Variants in CHST9 observed in about 807,000 individuals in gnomAD.
CHST9 encodes GalNAc-4-sulfotransferase 2.
CHST9 carries 41 observed loss-of-function variants against 44.4 expected under a neutral mutation model. The ratio of observed to expected loss-of-function variants is 0.92; its 90% CI spans 0.72 to 1.20. The LOEUF is 1.20. CHST9 is among the 50% of genes most tolerant of loss of function. The probability of loss-of-function intolerance (pLI) is 0.00; values close to 1 mark genes in which losing one functional copy is unlikely to be tolerated. For missense variants in CHST9, 504 were observed against 516.5 expected, an observed-to-expected ratio of 0.98 and a Z score of 0.23; for synonymous variants, 171 against 178.4, an observed-to-expected ratio of 0.96 and a Z score of 0.33.
chr18:26,960,682 A>G (rs2056387800), intron 4 of CHST9, among the ~76,000 whole-genome samples: 1 of 151,978 alleles, frequency 6.6e-6, no homozygotes, highest in South Asian at 2.1e-4. Context: ...AAAAATTGCA[A>G]CCTCCAGCAT....
intron 2 of CHST9, among the ~76,000 whole-genome samples, chr18:27,092,108 C>T (rs138475084): frequency 9.2e-5 from 14 of 152,252 alleles, no homozygotes; most frequent in African/African-American, 3.4e-4. Context: ...CTAATTATTG[C>T]CTCAATTTCA....
At chr18:27,023,010 C>G (rs2057243988) in intron 4 of CHST9, among the ~76,000 whole-genome samples, 1 of 152,142 alleles carries the variant, frequency 6.6e-6, no homozygotes, top group South Asian at 2.1e-4. Context: ...GACTCAGTTA[C>G]TATTCCAATT....
intron 2 of CHST9, among the ~76,000 whole-genome samples, chr18:27,070,081 T>G (rs1381756858): frequency 1.3e-5 from 2 of 152,200 alleles, no homozygotes; most frequent in African/African-American, 4.8e-5. Flanking sequence ...AAAAAGTTAA[T>G]TCCAGAAAAG....
chr18:26,993,216 T>C (rs1214419253), intron 4 of CHST9, among the ~76,000 whole-genome samples: 3 of 152,214 alleles, frequency 2.0e-5, no homozygotes, highest in Admixed American at 6.5e-5. Context: ...TTGCTTAGCA[T>C]GGCAGGTGTT....
At chr18:27,183,297 C>T (rs1178412777) in intron 1 of CHST9, among the ~76,000 whole-genome samples, 1 of 152,140 alleles carries the variant, frequency 6.6e-6, no homozygotes, top group African/African-American at 2.4e-5. Context: ...TTACAGCTTT[C>T]AGGATAGTCA....
chr18:27,105,788 G>A (rs763702384), intron 2 of CHST9, among the ~76,000 whole-genome samples: 2 of 151,624 alleles, frequency 1.3e-5, no homozygotes, highest in Admixed American at 6.6e-5. Flanking sequence ...ATGTGCTTTG[G>A]CACTCAACCC....
At chr18:26,989,200 G>T (rs992022567) in intron 4 of CHST9, among the ~76,000 whole-genome samples, 1 of 151,964 alleles carries the variant, frequency 6.6e-6, no homozygotes, top group Admixed American at 6.6e-5. Flanking sequence ...ACTGATAAAA[G>T]AATTATATCA....
chr18:26,918,547 C>T (rs1193242762), intron 5 of CHST9, among the ~76,000 whole-genome samples: 1 of 151,606 alleles, frequency 6.6e-6, no homozygotes, highest in African/African-American at 2.4e-5. Context: ...TGTGTGTATA[C>T]ACAATTTTTA....
Position 27,158,655 on chromosome 18 carries a change from T to G in CHST9, c.-96-15750A>C, listed in dbSNP as rs200253325. ...TGGCTGGGTCAAATGGTATTTCTAG[T>G]TCAAGATCCCTGAGGAATCGCCACA... On this transcript the variant is annotated intron_variant, in intron 1 of 5. Coordinates refer to ENST00000618847, the MANE Select transcript of CHST9 (RefSeq NM_031422.6). 9.0e-4 allele frequency among the ~76,000 whole-genome samples: 137 copies of G among 152,200 alleles called. 1 individual carries two copies. In the East Asian group the frequency reaches 0.023, roughly 26 times the overall value.
In CHST9 at chr18:27,014,680, G is replaced by GA. The variant is rs201957768; in HGVS notation, c.202+9435dup. Among the ~76,000 whole-genome samples, 562 of 151,278 alleles carry GA rather than the reference G, an allele frequency of 3.7e-3. 1 individual carries two copies. Among genetic ancestry groups the GA allele is most frequent in the Non-Finnish European group, 5.9e-3 (400 of 67,778 alleles). Reference sequence around the variant, plus strand: ...ATATAAGAAATAAAGTCCACCTCCTGAAAAAAAACATTTAAATTGAACAGT... The same window carrying GA: ...ATATAAGAAATAAAGTCCACCTCCTGAAAAAAAAACATTTAAATTGAACAGT... On this transcript the variant is annotated intron_variant, in intron 4 of 5. Transcript: ENST00000618847.
chr18:27,134,934 TAGACAG>T (rs1163172179), intron 2 of CHST9, among the ~76,000 whole-genome samples: 1 of 152,212 alleles, frequency 6.6e-6, no homozygotes, highest in Non-Finnish European at 1.5e-5. Flanking sequence ...AAATTTCAGT[TAGACAG>T]AGACAATTAC....
intron 3 of CHST9, among the ~76,000 whole-genome samples, chr18:27,047,751 A>C (rs1460854162): frequency 1.3e-5 from 2 of 152,122 alleles, no homozygotes; most frequent in Non-Finnish European, 2.9e-5. Context: ...TGGCGGGCAT[A>C]GGTACACATG....
intron 1 of CHST9, among the ~76,000 whole-genome samples, chr18:27,151,148 C>A (rs886215445): frequency 1.3e-5 from 2 of 151,960 alleles, no homozygotes; most frequent in Non-Finnish European, 2.9e-5. Flanking sequence ...TGACCTTTAT[C>A]ATTTATTATT....
intron 1 of CHST9, among the ~76,000 whole-genome samples, chr18:27,164,040 T>C (rs1426979967): frequency 6.6e-6 from 1 of 152,102 alleles, no homozygotes; most frequent in Non-Finnish European, 1.5e-5. Flanking sequence ...AAAGCTGAAA[T>C]GAAAGTTTTT....
At chr18:27,110,050 T>G (rs2058256877) in intron 2 of CHST9, among the ~76,000 whole-genome samples, 1 of 152,142 alleles carries the variant, frequency 6.6e-6, no homozygotes, top group African/African-American at 2.4e-5. Context: ...ACAGAGCTTT[T>G]GTCTCAGGGT....
chr18:27,141,182 C>T (rs1452555634), intron 2 of CHST9, among the ~76,000 whole-genome samples: 2 of 152,138 alleles, frequency 1.3e-5, no homozygotes, highest in African/African-American at 4.8e-5. Flanking sequence ...TATGGTGAAA[C>T]CCCGTCTCTA....
In CHST9 at chr18:27,113,867, A is replaced by G. The variant is rs1300681713; in HGVS notation, c.121+28822T>C. 2.6e-5 allele frequency among the ~76,000 whole-genome samples: 4 copies of G among 152,348 alleles called. No homozygotes were observed. In the East Asian group the frequency reaches 7.7e-4, roughly 29 times the overall value. On this transcript the variant is annotated intron_variant, in intron 2 of 5. Coordinates refer to ENST00000618847, the MANE Select transcript of CHST9 (RefSeq NM_031422.6). ...TACTTAAATTCAAATTTAGTTTAATATAGCTAATGAGCTATATCAAATGGT... is the reference window on the plus strand; with the variant it reads ...TACTTAAATTCAAATTTAGTTTAATGTAGCTAATGAGCTATATCAAATGGT...
chr18:27,076,073 A>T (rs547238607), intron 2 of CHST9, among the ~76,000 whole-genome samples: 1 of 152,350 alleles, frequency 6.6e-6, no homozygotes, highest in East Asian at 1.9e-4. Flanking sequence ...TTCAAAGCAC[A>T]TGGTATCCAG....
At chr18:26,944,229 C>G (rs1312060015) in intron 5 of CHST9, 100 bp downstream of exon 5, 23 of 883,946 alleles carry the variant, frequency 2.6e-5, no homozygotes, top group Non-Finnish European at 3.7e-5. Flanking sequence ...TTGCTCATAA[C>G]TAACAGCTAA....
Sources: allele counts gnomAD v4.1 joint callset (sites outside exome capture counted in the v4.1 genomes callset), GRCh38; gene constraint gnomAD v4.1.1; transcripts MANE v1.5; gene names NCBI Gene and HGNC (gene_info 2026-07-23, HGNC 2026-07-21).